GABPB2: variants seen among roughly 807,000 people sequenced by gnomAD.
The protein encoded by GABPB2 is GA binding protein transcription factor subunit beta 2, also known as GA-binding protein subunit beta-2.
A neutral mutation model predicts 39.1 loss-of-function variants in GABPB2; 23 were observed. That is an observed-to-expected ratio of 0.59 (90% CI 0.42 to 0.83). The LOEUF is 0.83. Ranked by LOEUF, GABPB2 falls within the 40% of genes least tolerant of loss-of-function variation. GABPB2 has a pLI of 0.00. For synonymous variants in GABPB2, 184 were observed against 199.3 expected, an observed-to-expected ratio of 0.92 and a Z score of 0.65; for missense variants, 467 against 541.1, an observed-to-expected ratio of 0.86 and a Z score of 1.36.
chr1:151,103,722 T>C (rs1270057142), intron 6 of GABPB2, 47 bp downstream of exon 6: 2 of 1,209,696 alleles, frequency 1.7e-6, no homozygotes, highest in Non-Finnish European at 2.4e-6. Flanking sequence ...TTTTCTTTTG[T>C]TTTTAAGTCT....
chr1:151,115,418 T>C (rs1310450381), intron 7 of GABPB2, among the ~76,000 whole-genome samples: 2 of 117,864 alleles, frequency 1.7e-5, no homozygotes, highest in Non-Finnish European at 3.7e-5. Context: ...TTTTTTTTTT[T>C]CAAATGGAGT....
intron 7 of GABPB2, among the ~76,000 whole-genome samples, chr1:151,110,465 A>G (rs1680339840): frequency 6.6e-6 from 1 of 151,984 alleles, no homozygotes; most frequent in Non-Finnish European, 1.5e-5. Context: ...TACCTAAATA[A>G]ACTATACTAC....
At chr1:151,111,606 A>C (rs1035004289) in intron 7 of GABPB2, among the ~76,000 whole-genome samples, 3 of 151,320 alleles carry the variant, frequency 2.0e-5, no homozygotes, top group Admixed American at 6.6e-5. Flanking sequence ...TTGTATTTTT[A>C]GTAGAGATGG....
At chr1:151,117,638 C>G (rs1680978357) in intron 8 of GABPB2, 122 bp downstream of exon 8, 1 of 1,071,540 alleles carries the variant, frequency 9.3e-7, no homozygotes, top group African/African-American at 1.6e-5. Flanking sequence ...GGCTGGAGTA[C>G]AGTGGCATGA....
chr1:151,075,465 G>A (rs587718767), intron 1 of GABPB2, among the ~76,000 whole-genome samples: 5 of 151,334 alleles, frequency 3.3e-5, no homozygotes, highest in African/African-American at 7.3e-5. Context: ...TCGGGAGGCC[G>A]AGGCAGGAGA....
Position 151,115,693 on chromosome 1 carries a change from C to G in GABPB2, c.923-1699C>G, listed in dbSNP as rs587728056. Among the ~76,000 whole-genome samples, 14 of 152,236 alleles carry G rather than the reference C, an allele frequency of 9.2e-5. No homozygotes were observed. The South Asian group carries it at 2.9e-3, about 32-fold the overall frequency. On this transcript the variant is annotated intron_variant, in intron 7 of 8. Transcript: ENST00000368918. Reference sequence around the variant, plus strand: ...TGGGATTACAGGGCATGAGCCACTGCGCCCATCCTGCCAAACTATTTTCTA... The same window carrying G: ...TGGGATTACAGGGCATGAGCCACTGGGCCCATCCTGCCAAACTATTTTCTA...
Position 151,123,608 on chromosome 1 carries a change from T to A in GABPB2, c.*5352T>A, listed in dbSNP as rs1681258189. 6.6e-6 allele frequency: 1 copy of A among 152,030 alleles called. No homozygotes were observed. The highest frequency in any genetic ancestry group is 2.4e-5 in the African/African-American group (1 of 41,328). 9.4% of individuals were successfully genotyped at this position (152,030 alleles called of 1,614,324 possible). On this transcript the variant is annotated 3_prime_UTR_variant, in exon 9 of 9. Transcript: ENST00000368918. ...TGGCTCACGCCTGTAACCTCAGCAC[T>A]TTGGGAGGCCAAGGCAGGTGGATCA...
Position 151,118,803 on chromosome 1 carries a change from CTTT to C in GABPB2, c.*562_*564del, listed in dbSNP as rs61358666. 9.8e-5 allele frequency: 14 copies of C among 142,440 alleles called. No individual in the cohort carries two copies. The highest frequency in any genetic ancestry group is 1.2e-4 in the Non-Finnish European group (8 of 65,126). 8.8% of individuals were successfully genotyped at this position (142,440 alleles called of 1,614,324 possible). ...TTAATTTCACTGAAGAGAATTTTCC[CTTT>C]TTTTTTTTTTTTTTGAGACACGGTC... is the stretch of plus-strand genomic sequence containing the variant. On this transcript the variant is annotated 3_prime_UTR_variant, in exon 9 of 9. Coordinates refer to ENST00000368918, the MANE Select transcript of GABPB2 (RefSeq NM_144618.3).
intron 1 of GABPB2, among the ~76,000 whole-genome samples, chr1:151,080,821 A>G (rs1253770933): frequency 6.8e-6 from 1 of 146,948 alleles, no homozygotes; most frequent in Non-Finnish European, 1.5e-5. Flanking sequence ...GCGCCACTGC[A>G]CTCCAGCCTG....
intron 1 of GABPB2, among the ~76,000 whole-genome samples, chr1:151,084,684 G>T (rs1678024816): frequency 6.6e-6 from 1 of 150,986 alleles, no homozygotes; most frequent in South Asian, 2.1e-4. Flanking sequence ...ACAGGTACCC[G>T]CCACCATGCC....
chr1:151,093,695 C>T (rs978675017), intron 4 of GABPB2, among the ~76,000 whole-genome samples: 2 of 151,396 alleles, frequency 1.3e-5, no homozygotes, highest in Non-Finnish European at 2.9e-5. Flanking sequence ...GTACCAAAAA[C>T]ATTTATTTGG....
intron 1 of GABPB2, among the ~76,000 whole-genome samples, chr1:151,074,166 G>A (rs4970940): frequency 0.7 from 105,574 of 150,116 alleles, 38,305 homozygotes; most frequent in East Asian, 0.89. Context: ...TAGTAGAGAC[G>A]GGGTTTCACC....
rs1012325507 is a variant in GABPB2, at chr1:151,090,526, A to G, written c.229A>G (p.Met77Val). The G allele has an allele frequency of 3.1e-6, 5 of 1,614,084 alleles. No individual in the cohort carries two copies. The highest frequency in any genetic ancestry group is 1.1e-5 in the South Asian group (1 of 91,072). Residue 77 changes from methionine to valine, a missense_variant, in exon 3 of 9, where the codon ATG becomes GTG. By Grantham distance (21) the Met-to-Val change is conservative. Transcript: ENST00000368918. The stretch of plus-strand genomic sequence containing the variant: ...TAAAGTAGACAGGACCCCCTTGCAC[A>G]TGGCTGCAGCCGATGGACATGCGCA... ...RTKVDRTPLH[M>V]AAADGHAHIV...
chr1:151,085,109 A>G (rs947871927), intron 1 of GABPB2, among the ~76,000 whole-genome samples: 1 of 151,652 alleles, frequency 6.6e-6, no homozygotes, highest in Non-Finnish European at 1.5e-5. Flanking sequence ...AAATAATAAA[A>G]TAAAATGGCC....
chr1:151,079,890 G>GTC lies in GABPB2; in HGVS notation c.1-8299_1-8298dup, dbSNP rs587750075. On this transcript the variant is annotated intron_variant, in intron 1 of 8. Transcript: ENST00000368918. ...TAGCCTGCGTAACGAGCAAAACTCT[G>GTC]TCACACACACACACAAAATAATAAC... 6.3e-3 allele frequency among the ~76,000 whole-genome samples: 939 copies of GTC among 149,970 alleles called. 7 individuals are homozygous for GTC. Among genetic ancestry groups the GTC allele is most frequent in the Non-Finnish European group, 9.8e-3 (660 of 67,680 alleles).
Position 151,120,356 on chromosome 1 carries a change from C to T in GABPB2, c.*2100C>T, listed in dbSNP as rs1006350027. The T allele has an allele frequency of 6.6e-6, 1 of 150,950 alleles. No homozygotes were observed. The highest frequency in any genetic ancestry group is 1.5e-5 in the Non-Finnish European group (1 of 67,710). The allele number at this position is 150,950 out of a possible 1,614,324, so 9.4% of individuals were successfully genotyped here. A position where few individuals can be genotyped will look rare whatever the true frequency, so the allele number is the denominator to read the frequency against. On this transcript the variant is annotated 3_prime_UTR_variant, in exon 9 of 9. Coordinates refer to ENST00000368918, the MANE Select transcript of GABPB2 (RefSeq NM_144618.3). ...TCTGTCTCAAACAAACAAAACAAAA[C>T]AAAATTAGCTGGGTGTGGTGGCACA...
At chr1:151,098,520 A>G (rs1437510976) in intron 5 of GABPB2, among the ~76,000 whole-genome samples, 1 of 151,778 alleles carries the variant, frequency 6.6e-6, no homozygotes, top group Non-Finnish European at 1.5e-5. Flanking sequence ...AAAAAAAAGG[A>G]AAATATTGTA....
At chr1:151,095,249 G>T (rs892916883) in intron 4 of GABPB2, among the ~76,000 whole-genome samples, 1 of 152,108 alleles carries the variant, frequency 6.6e-6, no homozygotes, top group African/African-American at 2.4e-5. Context: ...AACGTGGAAT[G>T]TTCAAGAAAA....
In GABPB2 at chr1:151,103,502, T is replaced by C. The variant is rs1679701360; in HGVS notation, c.623-60T>C. On this transcript the variant is annotated intron_variant, in intron 5 of 8. Transcript: ENST00000368918. ...TGAGGTTTTGATTTAATAAGCTGTT[T>C]TTAATTTGCCTCAATTTTTTCTCTA... is the stretch of plus-strand genomic sequence containing the variant. 4.4e-6 allele frequency: 5 copies of C among 1,138,108 alleles called. No individual in the cohort carries two copies. The East Asian group carries it at 1.2e-4, about 27-fold the overall frequency. The allele number at this position is 1,138,108 out of a possible 1,614,324, so 70.5% of individuals were successfully genotyped here. A position where few individuals can be genotyped will look rare whatever the true frequency, so the allele number is the denominator to read the frequency against.
Sources: gnomAD v4.1 joint callset for allele counts (sites outside exome capture counted in the v4.1 genomes callset) on GRCh38, gnomAD v4.1.1 for gene constraint, MANE v1.5 for transcripts, NCBI Gene and HGNC (gene_info 2026-07-23, HGNC 2026-07-21) for gene names.